The following MRC1 variants were observed in gnomAD, a reference collection of about 807,000 sequenced individuals.
The protein encoded by MRC1 is macrophage mannose receptor 1.
MRC1 carries 62 observed loss-of-function variants against 102.9 expected under a neutral mutation model. That is an observed-to-expected ratio of 0.60 (90% CI 0.49 to 0.74). The LOEUF (loss-of-function observed/expected upper bound fraction) is 0.74, where lower values mean the gene tolerates loss of function less well. Ranked by LOEUF, MRC1 falls within the 30% of genes least tolerant of loss-of-function variation. The probability of loss-of-function intolerance (pLI) is 0.00; values close to 1 mark genes in which losing one functional copy is unlikely to be tolerated. For synonymous variants in MRC1, 457 were observed against 298.4 expected (o/e 1.53, Z -5.48); for missense variants, 1,237 against 862.8 (o/e 1.43, Z -5.43).
chr10:17,895,308 A>G (rs1833739457), intron 23 of MRC1, among the ~76,000 whole-genome samples: 1 of 152,160 alleles, frequency 6.6e-6, no homozygotes. Context: ...TAATCCATGG[A>G]AGCCTATGAC....
intron 10 of MRC1, chr10:17,863,191 A>G (rs1199448340): frequency 3.8e-6 from 1 of 265,812 alleles, no homozygotes; most frequent in South Asian, 4.8e-5. Flanking sequence ...ATTTTTTAAA[A>G]CATTGTATTT....
At position 17,907,531 on chromosome 10, in the gene MRC1, C is replaced by G. The variant is rs1833912164; in HGVS notation, c.3914-3C>G. On this transcript the variant is annotated splice_region_variant and splice_polypyrimidine_tract_variant and intron_variant, in intron 27 of 29. Coordinates refer to ENST00000569591, the MANE Select transcript of MRC1 (RefSeq NM_002438.4). ...GTCTTTATTGGTTTTATCTGATGAC[C>G]AGGGACGTGGCTGTGGATAAATAAC... The G allele has an allele frequency of 1.3e-6, 1 of 780,750 alleles. No homozygotes were observed. The highest frequency in any genetic ancestry group is 1.7e-5 in the Admixed American group (1 of 58,998). 48.4% of individuals were successfully genotyped at this position (780,750 alleles called of 1,614,324 possible).
chr10:17,829,913 A>T (rs1402614341), intron 3 of MRC1, among the ~76,000 whole-genome samples: 1 of 151,452 alleles, frequency 6.6e-6, no homozygotes, highest in Admixed American at 6.6e-5. Flanking sequence ...CAGTGGAATA[A>T]TTTTTTAGTC....
At chr10:17,858,178 T>C (rs967785687) in intron 9 of MRC1, among the ~76,000 whole-genome samples, 3 of 152,298 alleles carry the variant, frequency 2.0e-5, no homozygotes, top group East Asian at 3.9e-4. Context: ...CCCTGAATAA[T>C]AGTTTAGCTA....
chr10:17,890,543 C>T lies in MRC1; in HGVS notation c.3148-3667C>T, dbSNP rs986113673. On this transcript the variant is annotated intron_variant, in intron 22 of 29. Coordinates refer to ENST00000569591, the MANE Select transcript of MRC1 (RefSeq NM_002438.4). ...CTTAGCATTTTCATCTCTCTGCTTA[C>T]GTTACCTACCCAGTCTTGCTTGTTG... is the stretch of plus-strand genomic sequence containing the variant. Among the ~76,000 whole-genome samples the T allele has an allele frequency of 1.2e-4, 18 of 152,276 alleles. No homozygotes were observed. In the South Asian group the frequency reaches 2.3e-3, roughly 19 times the overall value.
intron 11 of MRC1, among the ~76,000 whole-genome samples, chr10:17,864,254 T>G (rs1337631466): frequency 6.6e-6 from 1 of 152,146 alleles, no homozygotes; most frequent in Non-Finnish European, 1.5e-5. Flanking sequence ...CTGCCTGCCT[T>G]GGCCTCCCAA....
chr10:17,903,082 AT>A (rs1833850284), intron 26 of MRC1, among the ~76,000 whole-genome samples: 1 of 151,970 alleles, frequency 6.6e-6, no homozygotes, highest in Non-Finnish European at 1.5e-5. Context: ...CTTAGCATAT[AT>A]TTTTCCATGC....
At chr10:17,847,985 A>AT (rs1410457983) in intron 6 of MRC1, among the ~76,000 whole-genome samples, 4 of 150,916 alleles carry the variant, frequency 2.7e-5, no homozygotes, top group Non-Finnish European at 5.9e-5. Context: ...AGGGAATAGA[A>AT]TTTTTTTAAA....
At chr10:17,846,809 T>G (rs1304459595) in intron 6 of MRC1, among the ~76,000 whole-genome samples, 1 of 152,214 alleles carries the variant, frequency 6.6e-6, no homozygotes, top group African/African-American at 2.4e-5. Context: ...ACAGCACATA[T>G]ATTTTTTTGA....
At chr10:17,870,439 T>C in intron 13 of MRC1, 66 bp downstream of exon 13, 1 of 779,156 alleles carries the variant, frequency 1.3e-6, no homozygotes, top group South Asian at 1.3e-5. Flanking sequence ...GTTGAGAAAA[T>C]TTGTCTGTTT....
At chr10:17,884,546 A>G (rs1416574672) in intron 21 of MRC1, among the ~76,000 whole-genome samples, 2 of 152,188 alleles carry the variant, frequency 1.3e-5, no homozygotes, top group African/African-American at 4.8e-5. Flanking sequence ...GAAGTTTACA[A>G]TCATGGTGGA....
chr10:17,815,257 C>T (rs1397252699), intron 1 of MRC1, among the ~76,000 whole-genome samples: 1 of 152,084 alleles, frequency 6.6e-6, no homozygotes, highest in African/African-American at 2.4e-5. Context: ...CAGCGAGCAG[C>T]GGAGTCTGTT....
At chr10:17,891,229 C>G (rs1296386806) in intron 22 of MRC1, among the ~76,000 whole-genome samples, 4 of 151,394 alleles carry the variant, frequency 2.6e-5, no homozygotes, top group African/African-American at 9.7e-5. Context: ...TGCAGTGGCG[C>G]GATCTCGGCT....
chr10:17,856,675 TCATCCACCTTCTATAGTAGAAGGTGA>T lies in MRC1; in HGVS notation c.1518+326_1518+351del. ...TGAGGGCAGGCCACGGGAGAAGGTG[TCATCCACCTTCTATAGTAGAAGGTGA>T]CAGTCTACTATAGTCTGTCATCCTA... On this transcript the variant is annotated intron_variant, in intron 9 of 29. Coordinates refer to ENST00000569591, the MANE Select transcript of MRC1 (RefSeq NM_002438.4). Among the ~76,000 whole-genome samples the T allele has an allele frequency of 2.6e-5, 4 of 152,210 alleles. No individual in the cohort carries two copies. In the South Asian group the frequency reaches 8.3e-4, roughly 32 times the overall value.
rs1833784178 is a variant in MRC1 at position 17,898,409 on chromosome 10, T to C, written c.3483+143T>C. 6 of 735,052 alleles carry C rather than the reference T, an allele frequency of 8.2e-6. No homozygotes were observed. The Admixed American group carries it at 1.1e-4, about 13-fold the overall frequency. The allele number at this position is 735,052 out of a possible 1,614,324, so 45.5% of individuals were successfully genotyped here. A position where few individuals can be genotyped will look rare whatever the true frequency, so the allele number is the denominator to read the frequency against. On this transcript the variant is annotated intron_variant, in intron 24 of 29. Transcript: ENST00000569591. Reference sequence around the variant, plus strand: ...GTGAATGATACTAACATCAACAAGATCCAATCTTTCAGGGACGTGATGCCT... The same window carrying C: ...GTGAATGATACTAACATCAACAAGACCCAATCTTTCAGGGACGTGATGCCT...
At chr10:17,816,998 A>G (rs1331264932) in intron 1 of MRC1, among the ~76,000 whole-genome samples, 1 of 152,204 alleles carries the variant, frequency 6.6e-6, no homozygotes, top group Non-Finnish European at 1.5e-5. Flanking sequence ...CTGTAATCCC[A>G]GCACTTTGGG....
intron 5 of MRC1, among the ~76,000 whole-genome samples, chr10:17,842,467 C>G (rs2130628682): frequency 6.6e-6 from 1 of 152,218 alleles, no homozygotes; most frequent in Non-Finnish European, 1.5e-5. Flanking sequence ...AAGTCTTGAG[C>G]CAATAATCAG....
chr10:17,883,173 G>C (rs1460025959), intron 21 of MRC1, among the ~76,000 whole-genome samples: 2 of 152,112 alleles, frequency 1.3e-5, no homozygotes, highest in Non-Finnish European at 2.9e-5. Context: ...GATCACCCAG[G>C]CTGGAGAGCA....
intron 11 of MRC1, among the ~76,000 whole-genome samples, chr10:17,864,827 CAAAAAA>C (rs34931364): frequency 2.5e-5 from 2 of 80,538 alleles, no homozygotes; most frequent in East Asian, 3.6e-4. Context: ...AAAACTCCAT[CAAAAAA>C]AAAAAAAAAA....
Sources: gnomAD v4.1 joint callset for allele counts (sites outside exome capture counted in the v4.1 genomes callset) on GRCh38, gnomAD v4.1.1 for gene constraint, MANE v1.5 for transcripts, NCBI Gene and HGNC (gene_info 2026-07-23, HGNC 2026-07-21) for gene names.